The following FAM24B variants were observed in gnomAD, a reference collection of about 807,000 sequenced individuals.
FAM24B encodes protein FAM24B.
A neutral mutation model predicts 2.3 loss-of-function variants in FAM24B; 3 were observed. The observed-to-expected ratio is 1.29, with a 90% CI of 0.59 to 3.32. The LOEUF is 3.32. FAM24B is among the 30% of genes most tolerant of loss of function. FAM24B has a pLI of 0.03. For synonymous variants in FAM24B, 36 were observed against 46.3 expected, an observed-to-expected ratio of 0.78 and a Z score of 0.90; for missense variants, 98 against 117.2, an observed-to-expected ratio of 0.84 and a Z score of 0.76.
intron 1 of FAM24B, among the ~76,000 whole-genome samples, chr10:122,878,837 G>A (rs1235645018): frequency 6.6e-6 from 1 of 151,328 alleles, no homozygotes; most frequent in Admixed American, 6.6e-5. Flanking sequence ...TAGGCTTTCT[G>A]CCTTATTTAA....
chr10:122,876,528 A>G (rs1474206990), intron 1 of FAM24B, among the ~76,000 whole-genome samples: 3 of 152,248 alleles, frequency 2.0e-5, no homozygotes, highest in African/African-American at 4.8e-5. Flanking sequence ...TAAGGGCACC[A>G]TATGAGTGGT....
At chr10:122,858,548 GTAA>G (rs1004727674) in intron 1 of FAM24B, among the ~76,000 whole-genome samples, 7 of 151,754 alleles carry the variant, frequency 4.6e-5, no homozygotes, top group African/African-American at 1.7e-4. Flanking sequence ...AACTTAAAGT[GTAA>G]TAATAAAAAA....
intron 1 of FAM24B, among the ~76,000 whole-genome samples, chr10:122,866,671 G>A (rs1555074694): frequency 6.6e-6 from 1 of 152,076 alleles, no homozygotes; most frequent in Non-Finnish European, 1.5e-5. Flanking sequence ...TATTGCCATT[G>A]TTTTGGTCCA....
intron 1 of FAM24B, 56 bp from the exon 2 acceptor site, chr10:122,855,842 T>C (rs1038648646): frequency 1.7e-4 from 26 of 152,214 alleles, no homozygotes; most frequent in African/African-American, 5.8e-4. Context: ...AAAGGGGAGA[T>C]CATTCAGCTT....
chr10:122,878,053 T>C (rs1675441654), intron 1 of FAM24B, among the ~76,000 whole-genome samples: 1 of 152,306 alleles, frequency 6.6e-6, no homozygotes, highest in East Asian at 1.9e-4. Context: ...ACTCTAAGTG[T>C]AGCAGAGAGA....
chr10:122,852,368 G>C (rs1847554085), intron 2 of FAM24B, among the ~76,000 whole-genome samples: 1 of 152,148 alleles, frequency 6.6e-6, no homozygotes, highest in Non-Finnish European at 1.5e-5. Flanking sequence ...ATAGGGACTA[G>C]CGGAATATTT....
In FAM24B at chr10:122,859,597, G is replaced by T. The variant is rs149475960; in HGVS notation, c.-177-3811C>A. On this transcript the variant is annotated intron_variant, in intron 1 of 3. Transcript: ENST00000368898. ...AAGGTTGCCAGGGTGCAATGGCAGA[G>T]CCATTCCCTTACATACTCTTGTACC... 1.1e-4 allele frequency among the ~76,000 whole-genome samples: 17 copies of T among 152,286 alleles called. No homozygotes were observed. In the East Asian group the frequency reaches 3.3e-3, roughly 29 times the overall value.
chr10:122,852,188 C>T (rs1276839803), intron 2 of FAM24B, among the ~76,000 whole-genome samples: 1 of 152,144 alleles, frequency 6.6e-6, no homozygotes, highest in African/African-American at 2.4e-5. Context: ...AAAGCTGAAT[C>T]AACAACTCTT....
chr10:122,864,882 C>T (rs1024649998), intron 1 of FAM24B, among the ~76,000 whole-genome samples: 1 of 152,198 alleles, frequency 6.6e-6, no homozygotes, highest in African/African-American at 2.4e-5. Context: ...TTCTCCATGT[C>T]ATTTTGTTAC....
intron 1 of FAM24B, among the ~76,000 whole-genome samples, chr10:122,869,110 C>CA (rs1358834954): frequency 1.3e-5 from 2 of 151,174 alleles, no homozygotes; most frequent in East Asian, 1.9e-4. Context: ...AAATGGAAAA[C>CA]AAAAAAAGGC....
intron 1 of FAM24B, 93 bp downstream of exon 1, chr10:122,879,392 G>C (rs1311731746): frequency 1.3e-5 from 2 of 152,318 alleles, no homozygotes; most frequent in East Asian, 3.9e-4. Context: ...ACCCGACGGA[G>C]TGGAGGCAGA....
At chr10:122,867,153 G>A (rs566161998) in intron 1 of FAM24B, among the ~76,000 whole-genome samples, 41 of 152,322 alleles carry the variant, frequency 2.7e-4, no homozygotes, top group Middle Eastern at 6.8e-3. Context: ...CTAATCCAGA[G>A]CAATGCCCTA....
intron 1 of FAM24B, among the ~76,000 whole-genome samples, chr10:122,862,236 A>G (rs1156782454): frequency 1.3e-5 from 2 of 152,196 alleles, no homozygotes; most frequent in Admixed American, 6.5e-5. Context: ...GACACCCTCT[A>G]TCTTATCACC....
chr10:122,862,731 C>T (rs1243584747), intron 1 of FAM24B, among the ~76,000 whole-genome samples: 1 of 152,048 alleles, frequency 6.6e-6, no homozygotes, highest in Admixed American at 6.5e-5. Flanking sequence ...AATAATTCTT[C>T]TAATATAACA....
chr10:122,869,618 G>T (rs1847858545), intron 1 of FAM24B, among the ~76,000 whole-genome samples: 1 of 152,070 alleles, frequency 6.6e-6, no homozygotes, highest in Non-Finnish European at 1.5e-5. Flanking sequence ...CTAGAACTCA[G>T]GATTAAGAAA....
At chr10:122,860,728 C>T (rs959331620) in intron 1 of FAM24B, among the ~76,000 whole-genome samples, 6 of 152,204 alleles carry the variant, frequency 3.9e-5, no homozygotes, top group African/African-American at 1.4e-4. Context: ...TCTAACACAT[C>T]TGAAGTGGTA....
At chr10:122,854,928 G>A (rs1291546234) in intron 2 of FAM24B, among the ~76,000 whole-genome samples, 2 of 152,222 alleles carry the variant, frequency 1.3e-5, no homozygotes, top group Non-Finnish European at 2.9e-5. Flanking sequence ...CATCTCTGGT[G>A]ACAGAAGCAT....
intron 1 of FAM24B, among the ~76,000 whole-genome samples, chr10:122,859,540 T>C (rs1847695518): frequency 1.3e-5 from 2 of 152,144 alleles, no homozygotes; most frequent in South Asian, 4.1e-4. Flanking sequence ...GTTCAGACCT[T>C]GTCTTGCATG....
At chr10:122,866,478 T>C (rs1847806037) in intron 1 of FAM24B, among the ~76,000 whole-genome samples, 1 of 152,028 alleles carries the variant, frequency 6.6e-6, no homozygotes, top group African/African-American at 2.4e-5. Context: ...ATACCGCATT[T>C]TTTGCAAACT....
Sources: gnomAD v4.1 joint callset for allele counts (sites outside exome capture counted in the v4.1 genomes callset) on GRCh38, gnomAD v4.1.1 for gene constraint, MANE v1.5 for transcripts, NCBI Gene and HGNC (gene_info 2026-07-23, HGNC 2026-07-21) for gene names.